Variants in FKBP10 observed in about 807,000 individuals in gnomAD.
The protein encoded by FKBP10 is peptidyl-prolyl cis-trans isomerase FKBP10.
In FKBP10, 34 loss-of-function variants were observed where a neutral mutation model predicts 53.7. The ratio of observed to expected loss-of-function variants is 0.63; its 90% CI spans 0.48 to 0.84. The LOEUF (loss-of-function observed/expected upper bound fraction) is 0.84. Among genes scored for constraint, FKBP10 ranks in the 40% least tolerant of loss-of-function variants. The pLI is 0.00. For synonymous variants in FKBP10, 324 were observed against 335.7 expected (o/e 0.97, Z 0.38); for missense variants, 748 against 797.8 (o/e 0.94, Z 0.75).
At chr17:41,817,977 G>C in intron 2 of FKBP10, 112 bp from the exon 3 acceptor site, 3 of 1,130,042 alleles carry the variant, frequency 2.7e-6, no homozygotes, top group Non-Finnish European at 3.9e-6. Flanking sequence ...CTCTGTCCCT[G>C]GTTTGGGTCT....
In FKBP10 at chr17:41,821,164, C is replaced by T. The variant is rs2047887802; in HGVS notation, c.1399+75C>T. On this transcript the variant is annotated intron_variant, in intron 8 of 9. Transcript: ENST00000321562. ...TTGAGATGGAGTCTGACTCTGTCAC[C>T]CAGGCTGGAGTGCAGTGGTGTGCTC... The T allele has an allele frequency of 9.5e-6, 14 of 1,475,090 alleles. No individual in the cohort carries two copies. In the South Asian group the frequency reaches 1.8e-4, roughly 19 times the overall value. The allele number at this position is 1,475,090 out of a possible 1,614,324, so 91.4% of individuals were successfully genotyped here. A position where few individuals can be genotyped will look rare whatever the true frequency, so the allele number is the denominator to read the frequency against.
chr17:41,822,051 C>G (rs782761961), intron 9 of FKBP10, among the ~76,000 whole-genome samples, 172 bp from the exon 10 acceptor site: 11 of 152,192 alleles, frequency 7.2e-5, no homozygotes, highest in Non-Finnish European at 1.3e-4. Context: ...CCCCAGCCCC[C>G]ACCAGGACCC....
chr17:41,818,528 G>A lies in FKBP10; in HGVS notation c.727+1G>A. 6.2e-7 allele frequency: 1 copy of A among 1,614,148 alleles called. No individual in the cohort carries two copies. Among genetic ancestry groups the A allele is most frequent in the Non-Finnish European group, 8.5e-7 (1 of 1,180,024 alleles). On this transcript the variant is annotated splice_donor_variant, in intron 4 of 9. Transcript: ENST00000321562. LOFTEE classifies it high-confidence loss of function. Reference sequence around the variant, plus strand: ...CTGGCCTATGGCGAGAAAGGCTATGGTGAGGGTGGGCAAGGACACAAGGGG... The same window carrying A: ...CTGGCCTATGGCGAGAAAGGCTATGATGAGGGTGGGCAAGGACACAAGGGG...
In FKBP10 at chr17:41,819,637, C is replaced by T. The variant is rs782400022; in HGVS notation, c.1025C>T (p.Thr342Ile). ...GACMGERRRI[T>I]IPPHLAYGEN... The stretch of plus-strand genomic sequence containing the variant: ...TGCATGGGGGAACGCCGGAGAATTA[C>T]CATCCCCCCGCACCTCGCCTATGGG... Residue 342 changes from threonine to isoleucine, a missense_variant, in exon 6 of 10, where the codon ACC (threonine) becomes ATC (isoleucine). Transcript: ENST00000321562. 3 of 1,611,732 alleles carry T rather than the reference C, an allele frequency of 1.9e-6. No homozygotes were observed. The highest frequency in any genetic ancestry group is 2.5e-6 in the Non-Finnish European group (3 of 1,179,130).
intron 1 of FKBP10, among the ~76,000 whole-genome samples, chr17:41,816,192 AAAAC>A (rs1356056866): frequency 2.0e-5 from 3 of 151,836 alleles, no homozygotes; most frequent in Non-Finnish European, 2.9e-5. Flanking sequence ...TGTATAACTA[AAAAC>A]AAACAAAAGC....
At chr17:41,817,313 T>C (rs1321600811) in intron 2 of FKBP10, 110 bp downstream of exon 2, 2 of 1,416,234 alleles carry the variant, frequency 1.4e-6, no homozygotes, top group Non-Finnish European at 1.9e-6. Context: ...TTGCCCAATG[T>C]CACACTGTGC....
chr17:41,817,101 C>T lies in FKBP10; in HGVS notation c.289C>T (p.Arg97Cys), dbSNP rs993652435. The T allele has an allele frequency of 5.6e-6, 9 of 1,613,948 alleles. No homozygotes were observed. Among genetic ancestry groups the T allele is most frequent in the Admixed American group, 1.7e-5 (1 of 60,004 alleles). The part of the protein sequence containing the change: ...TLVAIVVGVG[R>C]LITGMDRGLM... The stretch of plus-strand genomic sequence containing the variant: ...GGTGGCCATCGTGGTGGGTGTGGGG[C>T]GCCTCATCACTGGCATGGACCGAGG... The change falls in exon 2 of 10, where the codon CGC becomes TGC. Residue 97 changes from arginine to cysteine, a missense_variant. Physicochemically the swap from Arg to Cys is radical, Grantham distance 180. Coordinates refer to ENST00000321562, the MANE Select transcript of FKBP10 (RefSeq NM_021939.4).
intron 1 of FKBP10, among the ~76,000 whole-genome samples, chr17:41,816,316 C>T (rs1321711163): frequency 4.3e-5 from 6 of 138,902 alleles, no homozygotes; most frequent in African/African-American, 5.3e-5. Flanking sequence ...TTGCAACCTC[C>T]GCCTCCCGGG....
Position 41,818,076 on chromosome 17 carries a change from T to C in FKBP10, c.392-13T>C, listed in dbSNP as rs1054275982. On this transcript the variant is annotated splice_polypyrimidine_tract_variant and intron_variant, in intron 2 of 9. Transcript: ENST00000321562. Reference sequence around the variant, plus strand: ...CAGAACTCTGAGACCTCCACGCTGCTGCGCTCTCACAGCGGGGCTCATTCC... The same window carrying C: ...CAGAACTCTGAGACCTCCACGCTGCCGCGCTCTCACAGCGGGGCTCATTCC... The C allele has an allele frequency of 6.3e-6, 10 of 1,592,702 alleles. No individual in the cohort carries two copies. The highest frequency in any genetic ancestry group is 6.8e-6 in the Non-Finnish European group (8 of 1,169,734).
At position 41,818,170 on chromosome 17, in the gene FKBP10, T is replaced by C. The variant is rs781874365; in HGVS notation, c.473T>C (p.Val158Ala). The C allele has an allele frequency of 9.7e-5, 156 of 1,613,698 alleles. No homozygotes were observed. Among genetic ancestry groups the C allele is most frequent in the Middle Eastern group, 3.3e-4 (2 of 6,084 alleles). Residue 158 changes from valine to alanine, a missense_variant, in exon 3 of 10, where the codon GTG becomes GCG. Transcript: ENST00000321562. ...DVWNKEDTVQVSTLLRPPHCP... is the reference protein window; with the variant it reads ...DVWNKEDTVQASTLLRPPHCP... ...TGGAACAAGGAAGACACCGTGCAGGTGAGCACATTGCTGCGCCCGCCCCAC... is the reference window on the plus strand; with the variant it reads ...TGGAACAAGGAAGACACCGTGCAGGCGAGCACATTGCTGCGCCCGCCCCAC...
At chr17:41,818,007 G>A in intron 2 of FKBP10, 82 bp from the exon 3 acceptor site, 1 of 1,399,296 alleles carries the variant, frequency 7.1e-7, no homozygotes, top group South Asian at 1.2e-5. Context: ...GGGATGAGAG[G>A]AAGGGGAATA....
chr17:41,822,156 C>G (rs1030170111), intron 9 of FKBP10, 67 bp from the exon 10 acceptor site: 39 of 1,500,702 alleles, frequency 2.6e-5, no homozygotes, highest in Non-Finnish European at 3.2e-5. Flanking sequence ...GGCCTCCACC[C>G]GGGGCCCCTG....
At chr17:41,818,058 C>CT (rs781872644) in intron 2 of FKBP10, 31 bp from the exon 3 acceptor site, 8 of 1,564,784 alleles carry the variant, frequency 5.1e-6, no homozygotes, top group Admixed American at 3.8e-5. Flanking sequence ...GAGCAGAACT[C>CT]TGAGACCTCC....
At chr17:41,820,819 G>C (rs1369754891) in intron 7 of FKBP10, 128 bp from the exon 8 acceptor site, 2 of 1,337,864 alleles carry the variant, frequency 1.5e-6, no homozygotes, top group South Asian at 1.4e-5. Context: ...ACTCTGCTGC[G>C]TGGCCCAAGT....
At chr17:41,821,209 A>T in intron 8 of FKBP10, 120 bp downstream of exon 8, 1 of 1,245,546 alleles carries the variant, frequency 8.0e-7, no homozygotes, top group Non-Finnish European at 1.1e-6. Flanking sequence ...TGCAACCTCC[A>T]CTTCCCAGGT....
intron 7 of FKBP10, 60 bp from the exon 8 acceptor site, chr17:41,820,887 A>AG: frequency 6.3e-7 from 1 of 1,586,512 alleles, no homozygotes; most frequent in East Asian, 2.3e-5. Context: ...TCAGAGGGAG[A>AG]GGGGTGTGCG....
Position 41,820,414 on chromosome 17 carries a change from A to G in FKBP10, c.1209A>G (p.Arg403=). The change falls in exon 7 of 10, where the codon CGA becomes CGG. Residue 403 remains arginine (R), a synonymous_variant. Transcript: ENST00000321562. ...CCACCAAGCTTGGGGACTTTGTTCG[A>G]TACCATTACAACTGTTCTTTGCTGG... The part of the protein sequence containing the change: ...NETTKLGDFV[R]YHYNCSLLDG... 1 of 1,614,056 alleles carries G rather than the reference A, an allele frequency of 6.2e-7. No homozygotes were observed. Among genetic ancestry groups the G allele is most frequent in the South Asian group, 1.1e-5 (1 of 91,090 alleles).
intron 4 of FKBP10, chr17:41,818,831 T>G: frequency 2.3e-6 from 1 of 425,876 alleles, no homozygotes. Flanking sequence ...TGGGGGCGCC[T>G]GTAGTCCCAG....
rs1029623005 is a variant in FKBP10 at position 41,818,100 on chromosome 17, C to T, written c.403C>T (p.Pro135Ser). 1 of 1,610,330 alleles carries T rather than the reference C, an allele frequency of 6.2e-7. No individual in the cohort carries two copies. Among genetic ancestry groups the T allele is most frequent in the Non-Finnish European group, 8.5e-7 (1 of 1,178,432 alleles). Residue 135 changes from proline to serine, a missense_variant, in exon 3 of 10, where the codon CCA becomes TCA. Transcript: ENST00000321562. ...YGSIGLAGLI[P>S]PDATLYFDVV... ...CTGCGCTCTCACAGCGGGGCTCATTCCACCGGATGCCACCCTCTACTTCGA... is the reference window on the plus strand; with the variant it reads ...CTGCGCTCTCACAGCGGGGCTCATTTCACCGGATGCCACCCTCTACTTCGA...
Sources: allele counts gnomAD v4.1 joint callset (sites outside exome capture counted in the v4.1 genomes callset), GRCh38; gene constraint gnomAD v4.1.1; transcripts MANE v1.5; gene names NCBI Gene and HGNC (gene_info 2026-07-23, HGNC 2026-07-21).